Variants in FDFT1 observed in about 807,000 individuals in gnomAD.
FDFT1 encodes farnesyl-diphosphate farnesyltransferase 1.
In FDFT1, 68 loss-of-function variants were observed where a neutral mutation model predicts 46.8. That is an observed-to-expected ratio of 1.45 (90% CI 1.19 to 1.78). The LOEUF (loss-of-function observed/expected upper bound fraction) is 1.78, where lower values mean the gene tolerates loss of function less well. Among genes scored for constraint, FDFT1 ranks in the 40% most tolerant of loss-of-function variants. FDFT1 has a pLI of 0.00. For missense variants in FDFT1, 928 were observed against 524.4 expected, an observed-to-expected ratio of 1.77 and a Z score of -7.52; for synonymous variants, 351 against 185.1, an observed-to-expected ratio of 1.90 and a Z score of -7.28.
intron 5 of FDFT1, among the ~76,000 whole-genome samples, chr8:11,827,384 G>GGCAT (rs1810145588): frequency 6.6e-6 from 1 of 152,098 alleles, no homozygotes; most frequent in South Asian, 2.1e-4. Context: ...TGGGCATGTT[G>GGCAT]GCATGCACCT....
chr8:11,819,484 A>G (rs1808923528), intron 3 of FDFT1, among the ~76,000 whole-genome samples: 1 of 152,018 alleles, frequency 6.6e-6, no homozygotes, highest in South Asian at 2.1e-4. Context: ...TTCAGGTACA[A>G]CAATCATAGC....
chr8:11,798,389 C>T (rs911490131), upstream of FDFT1, among the ~76,000 whole-genome samples: 3 of 152,164 alleles, frequency 2.0e-5, no homozygotes, highest in African/African-American at 7.2e-5. Context: ...ATAACTCTAC[C>T]TGCCATATGG....
At chr8:11,803,625 C>T (rs1806428838) in intron 1 of FDFT1, 3 of 509,342 alleles carry the variant, frequency 5.9e-6, no homozygotes, top group Admixed American at 4.8e-5. Flanking sequence ...TATTCGTACG[C>T]GATTATTGAA....
chr8:11,823,819 C>T (rs531671475), intron 4 of FDFT1, among the ~76,000 whole-genome samples: 2 of 152,288 alleles, frequency 1.3e-5, no homozygotes, highest in East Asian at 3.9e-4. Flanking sequence ...TCAAGGCTCA[C>T]TGCAGCCTTC....
At chr8:11,809,274 C>T (rs1040282909) in intron 2 of FDFT1, 1 of 1,105,728 alleles carries the variant, frequency 9.0e-7, no homozygotes, top group Non-Finnish European at 1.1e-6. Context: ...CACCCATGAA[C>T]TTAGACCAGT....
chr8:11,803,467 A>C lies in FDFT1; in HGVS notation c.99+536A>C, dbSNP rs552980957. The C allele has an allele frequency of 2.8e-5, 36 of 1,269,144 alleles. No individual in the cohort carries two copies. The South Asian group carries it at 4.4e-4, about 15-fold the overall frequency. 78.6% of individuals were successfully genotyped at this position (1,269,144 alleles called of 1,614,324 possible). A position where few individuals can be genotyped will look rare whatever the true frequency, so the allele number is the denominator to read the frequency against. On this transcript the variant is annotated intron_variant, in intron 1 of 7. Transcript: ENST00000220584. ...TTAAAATCGCCTATCTACGCTTCCAAGTTCCAATGAGTTATCTAACGTCTA... is the reference window on the plus strand; with the variant it reads ...TTAAAATCGCCTATCTACGCTTCCACGTTCCAATGAGTTATCTAACGTCTA...
At chr8:11,835,230 AG>A in intron 7 of FDFT1, among the ~76,000 whole-genome samples, 1 of 151,570 alleles carries the variant, frequency 6.6e-6, no homozygotes, top group Non-Finnish European at 1.5e-5. Context: ...TGAGGCTAGT[AG>A]GTTTTTAAGA....
upstream of FDFT1, chr8:11,802,653 C>CCGCTGG (rs902131725): frequency 5.6e-5 from 34 of 607,492 alleles, no homozygotes; most frequent in Admixed American, 9.6e-4. Flanking sequence ...GCAGCTAGCC[C>CCGCTGG]CGCTGGCGGC....
chr8:11,819,489 C>G (rs562914465), intron 3 of FDFT1, among the ~76,000 whole-genome samples: 8 of 152,268 alleles, frequency 5.3e-5, no homozygotes, highest in Admixed American at 6.5e-5. Flanking sequence ...GTACAACAAT[C>G]ATAGCATTGG....
At position 11,828,911 on chromosome 8, in the gene FDFT1, A is replaced by G. The variant is rs183682745; in HGVS notation, c.703-1333A>G. 2.0e-3 allele frequency among the ~76,000 whole-genome samples: 309 copies of G among 152,236 alleles called. 3 individuals are homozygous for G. The highest frequency in any genetic ancestry group is 7.2e-3 in the African/African-American group (298 of 41,506). Reference sequence around the variant, plus strand: ...CCACATTTATCCATTCATCAGTTGAAGGATATTTGGGTTCTTCCCATTTTT... The same window carrying G: ...CCACATTTATCCATTCATCAGTTGAGGGATATTTGGGTTCTTCCCATTTTT... On this transcript the variant is annotated intron_variant, in intron 5 of 7. Coordinates refer to ENST00000220584, the MANE Select transcript of FDFT1 (RefSeq NM_004462.5).
chr8:11,803,473 A>C, intron 1 of FDFT1: 3 of 1,266,956 alleles, frequency 2.4e-6, no homozygotes, highest in Non-Finnish European at 3.1e-6. Context: ...TCCAAGTTCC[A>C]ATGAGTTATC....
At chr8:11,821,288 T>C (rs1473839486) in intron 3 of FDFT1, among the ~76,000 whole-genome samples, 3 of 152,200 alleles carry the variant, frequency 2.0e-5, no homozygotes, top group Admixed American at 6.5e-5. Flanking sequence ...TTTATGAAAT[T>C]TATGAAATAA....
chr8:11,826,256 C>T (rs375806521), intron 5 of FDFT1, 41 bp downstream of exon 5: 3 of 1,395,622 alleles, frequency 2.1e-6, no homozygotes, highest in East Asian at 2.4e-5. Flanking sequence ...TAACTTTAGA[C>T]ATTCTCTGAA....
At chr8:11,808,199 T>A in intron 1 of FDFT1, 1 of 1,060,710 alleles carries the variant, frequency 9.4e-7, no homozygotes, top group South Asian at 4.7e-5. Context: ...CCAGGCCTTA[T>A]TGGGAAGAGG....
chr8:11,802,671 G>T, upstream of FDFT1: 7 of 631,770 alleles, frequency 1.1e-5, no homozygotes, highest in South Asian at 1.9e-5. Flanking sequence ...GGCCGAGGCC[G>T]GTTGAAGTGG....
At chr8:11,815,556 C>G (rs998843434) in intron 3 of FDFT1, among the ~76,000 whole-genome samples, 1 of 152,142 alleles carries the variant, frequency 6.6e-6, no homozygotes, top group African/African-American at 2.4e-5. Flanking sequence ...TTTAAATGAT[C>G]GCCATTGTAA....
chr8:11,809,429 G>A (rs577043123), intron 2 of FDFT1: 6 of 1,252,094 alleles, frequency 4.8e-6, no homozygotes, highest in African/African-American at 1.5e-5. Flanking sequence ...TCACTTCTGG[G>A]AGTAGTGGTG....
chr8:11,831,649 C>T lies in FDFT1; in HGVS notation c.1011C>T (p.Ile337=), dbSNP rs1326747483. 5 of 1,613,858 alleles carry T rather than the reference C, an allele frequency of 3.1e-6. No individual in the cohort carries two copies. The highest frequency in any genetic ancestry group is 2.5e-6 in the Non-Finnish European group (3 of 1,179,742). The change falls in exon 7 of 8, where the codon ATC becomes ATT. Residue 337 remains isoleucine, a synonymous_variant. Transcript: ENST00000220584. ...CCAATATGCCAGCTGTCAAAGCCAT[C>T]ATATATCAGTATATGGAAGAGGTGG... ...DATNMPAVKA[I]IYQYMEEIYH...
intron 3 of FDFT1, among the ~76,000 whole-genome samples, chr8:11,820,305 G>C (rs1481901622): frequency 2.0e-5 from 3 of 152,186 alleles, no homozygotes; most frequent in East Asian, 3.8e-4. Context: ...ATGGGGCTCA[G>C]GGACCCACTT....
Sources: gnomAD v4.1 joint callset for allele counts (sites outside exome capture counted in the v4.1 genomes callset) on GRCh38, gnomAD v4.1.1 for gene constraint, MANE v1.5 for transcripts, NCBI Gene and HGNC (gene_info 2026-07-23, HGNC 2026-07-21) for gene names.